The following ZCCHC24 variants were observed in gnomAD, a reference collection of about 807,000 sequenced individuals.
ZCCHC24 encodes the protein zinc finger CCHC-type containing 24, also known as zinc finger CCHC domain-containing protein 24.
Under a neutral mutation model 26.2 loss-of-function variants are expected in ZCCHC24, and 10 were observed. The observed-to-expected ratio is 0.38, with a 90% CI of 0.24 to 0.65. ZCCHC24 has a LOEUF of 0.65. ZCCHC24 is among the 30% of genes least tolerant of loss of function. ZCCHC24 has a pLI of 0.54. For synonymous variants in ZCCHC24, 144 were observed against 147.1 expected, an observed-to-expected ratio of 0.98 and a Z score of 0.15; for missense variants, 243 against 329.1, an observed-to-expected ratio of 0.74 and a Z score of 2.03.
At chr10:79,403,707 G>A in intron 2 of ZCCHC24, 1 of 670,806 alleles carries the variant, frequency 1.5e-6, no homozygotes, top group Non-Finnish European at 1.8e-6. Flanking sequence ...AGCCCAGCAT[G>A]GGCCCAGAAG....
intron 2 of ZCCHC24, among the ~76,000 whole-genome samples, chr10:79,418,016 C>A (rs1589670528): frequency 1.3e-5 from 2 of 152,346 alleles, no homozygotes. Flanking sequence ...AGGCTCCACC[C>A]TGGGCAGCCA....
chr10:79,414,424 T>TAA (rs1419144187), intron 2 of ZCCHC24, among the ~76,000 whole-genome samples: 1 of 152,170 alleles, frequency 6.6e-6, no homozygotes, highest in East Asian at 1.9e-4. Context: ...CTCACACTCT[T>TAA]AAAGTCACAA....
rs996201615 is a variant in ZCCHC24, at chr10:79,386,475, G to A, written c.613-17C>T. ...CAGGGGTCTCTGCAGAGAGAAGGAGGAAGGGGCCCAGGGGAGTGAGGGGAG... is the reference window on the plus strand; with the variant it reads ...CAGGGGTCTCTGCAGAGAGAAGGAGAAAGGGGCCCAGGGGAGTGAGGGGAG... On this transcript the variant is annotated splice_polypyrimidine_tract_variant and intron_variant, in intron 3 of 3. Coordinates refer to ENST00000372336, the MANE Select transcript of ZCCHC24 (RefSeq NM_153367.4). 1.3e-6 allele frequency: 2 copies of A among 1,579,228 alleles called. No individual in the cohort carries two copies. The highest frequency in any genetic ancestry group is 2.7e-5 in the African/African-American group (2 of 74,200).
chr10:79,440,107 C>CACG (rs1857271870), intron 1 of ZCCHC24, among the ~76,000 whole-genome samples: 1 of 144,302 alleles, frequency 6.9e-6, no homozygotes, highest in African/African-American at 2.7e-5. Flanking sequence ...CCACCACCAC[C>CACG]ACGACACACA....
At chr10:79,431,587 G>A (rs996221981) in intron 2 of ZCCHC24, among the ~76,000 whole-genome samples, 3 of 152,200 alleles carry the variant, frequency 2.0e-5, no homozygotes, top group Non-Finnish European at 2.9e-5. Flanking sequence ...TGGTGTGGCC[G>A]TTTCTGAGCA....
chr10:79,431,943 C>T (rs1857136155), intron 2 of ZCCHC24, among the ~76,000 whole-genome samples: 1 of 152,222 alleles, frequency 6.6e-6, no homozygotes, highest in African/African-American at 2.4e-5. Flanking sequence ...CCCACTCTGT[C>T]ATACTGAAGC....
Position 79,445,525 on chromosome 10 carries a change from G to C in ZCCHC24, c.-85C>G. 1 of 1,160,388 alleles carries C rather than the reference G, an allele frequency of 8.6e-7. No individual in the cohort carries two copies. 71.9% of individuals were successfully genotyped at this position (1,160,388 alleles called of 1,614,324 possible). On this transcript the variant is annotated 5_prime_UTR_variant, in exon 1 of 4. Transcript: ENST00000372336. ...GAGGGGCGGGCACCGGGGAGCCTGT[G>C]CCCACTGCCCGCCTCCCGAGCCCCG...
In ZCCHC24 at chr10:79,431,345, C is replaced by T. The variant is rs565988094; in HGVS notation, c.447+1213G>A. ...TCTGCTGGGAGCCAATAGCCTCCTG[C>T]TTACTGTGTATATTGAGGGGGAGGA... On this transcript the variant is annotated intron_variant, in intron 2 of 3. Coordinates refer to ENST00000372336, the MANE Select transcript of ZCCHC24 (RefSeq NM_153367.4). 3.3e-5 allele frequency among the ~76,000 whole-genome samples: 5 copies of T among 152,304 alleles called. No homozygotes were observed. The East Asian group carries it at 7.7e-4, about 24-fold the overall frequency.
intron 2 of ZCCHC24, among the ~76,000 whole-genome samples, chr10:79,426,927 A>G (rs926619537): frequency 2.6e-5 from 4 of 152,232 alleles, no homozygotes; most frequent in African/African-American, 9.6e-5. Context: ...AACAAGATCA[A>G]CTATATGCTA....
At chr10:79,405,248 AT>A (rs1248590396) in intron 2 of ZCCHC24, among the ~76,000 whole-genome samples, 1 of 152,136 alleles carries the variant, frequency 6.6e-6, no homozygotes, top group Non-Finnish European at 1.5e-5. Flanking sequence ...TTTAAACGAA[AT>A]TCCCCTACTG....
In ZCCHC24 at chr10:79,401,423, A is replaced by G. The variant is rs567274333; in HGVS notation, c.448-6983T>C. On this transcript the variant is annotated intron_variant, in intron 2 of 3. Coordinates refer to ENST00000372336, the MANE Select transcript of ZCCHC24 (RefSeq NM_153367.4). ...AGGTTTCAGATGGGAACGCTGACGC[A>G]TGTAGAGGTTACATGGCTTGCCCAA... 1.9e-3 allele frequency among the ~76,000 whole-genome samples: 296 copies of G among 152,358 alleles called. 2 individuals carry two copies. The highest frequency in any genetic ancestry group is 6.9e-3 in the African/African-American group (285 of 41,590).
intron 2 of ZCCHC24, among the ~76,000 whole-genome samples, chr10:79,408,433 C>T (rs138535087): frequency 6.5e-4 from 99 of 152,276 alleles, no homozygotes; most frequent in African/African-American, 1.9e-3. Flanking sequence ...GCCAAACAAC[C>T]AGCCAGGGAG....
chr10:79,442,156 T>C (rs1338125106), intron 1 of ZCCHC24, among the ~76,000 whole-genome samples: 1 of 152,162 alleles, frequency 6.6e-6, no homozygotes, highest in Non-Finnish European at 1.5e-5. Context: ...GTTGTTGCCG[T>C]AGATCAGGTT....
chr10:79,395,301 A>G (rs1228095286), intron 2 of ZCCHC24, among the ~76,000 whole-genome samples: 4 of 152,234 alleles, frequency 2.6e-5, no homozygotes, highest in African/African-American at 9.6e-5. Context: ...GGTGCACACA[A>G]TATAAGTCCA....
intron 2 of ZCCHC24, among the ~76,000 whole-genome samples, chr10:79,395,405 C>T (rs970999749): frequency 1.3e-5 from 2 of 152,148 alleles, no homozygotes; most frequent in South Asian, 2.1e-4. Context: ...TAATGAATAA[C>T]TTCATATATG....
At position 79,383,342 on chromosome 10, in the gene ZCCHC24, A is replaced by C. The variant is rs1188425256; in HGVS notation, c.*3003T>G. On this transcript the variant is annotated 3_prime_UTR_variant, in exon 4 of 4. Transcript: ENST00000372336. ...CATCAGAATTATGTACCAACTTCAT[A>C]TAATATTCTATGTAGACAATATTTC... 2.6e-5 allele frequency: 4 copies of C among 152,734 alleles called. No individual in the cohort carries two copies. Among genetic ancestry groups the C allele is most frequent in the Non-Finnish European group, 4.4e-5 (3 of 68,052 alleles). The allele number at this position is 152,734 out of a possible 1,614,324, so 9.5% of individuals were successfully genotyped here.
intron 3 of ZCCHC24, among the ~76,000 whole-genome samples, chr10:79,388,606 G>A (rs1441809324): frequency 6.6e-6 from 1 of 152,172 alleles, no homozygotes; most frequent in Non-Finnish European, 1.5e-5. Flanking sequence ...CCAAAACAAA[G>A]CTGGTTTGCA....
intron 2 of ZCCHC24, among the ~76,000 whole-genome samples, chr10:79,399,696 G>GGGTGGGAAGTC (rs1400400529): frequency 6.6e-6 from 1 of 152,196 alleles, no homozygotes; most frequent in African/African-American, 2.4e-5. Context: ...GGAAGCTGTG[G>GGGTGGGAAGTC]CCAGTATGGG....
At chr10:79,409,437 A>G (rs2395579) in intron 2 of ZCCHC24, among the ~76,000 whole-genome samples, 119,786 of 152,104 alleles carry the variant, frequency 0.79, 47,281 homozygotes, top group East Asian at 0.83. Flanking sequence ...CTCTCAGCTC[A>G]TGTGTCTGTC....
Sources: gnomAD v4.1 joint callset for allele counts (sites outside exome capture counted in the v4.1 genomes callset) on GRCh38, gnomAD v4.1.1 for gene constraint, MANE v1.5 for transcripts, NCBI Gene and HGNC (gene_info 2026-07-23, HGNC 2026-07-21) for gene names.